ROBO1: variants seen among roughly 807,000 people sequenced by gnomAD.
ROBO1 encodes roundabout guidance receptor 1, also known as roundabout homolog 1.
In ROBO1, 149 loss-of-function variants were observed where a neutral mutation model predicts 195.9. The observed-to-expected ratio is 0.76, with a 90% CI of 0.67 to 0.87. The LOEUF (loss-of-function observed/expected upper bound fraction) is 0.87. Ranked by LOEUF, ROBO1 falls within the 40% of genes least tolerant of loss-of-function variation. The pLI, the probability that ROBO1 is intolerant of heterozygous loss-of-function variation, is 0.00. For missense variants in ROBO1, 1,933 were observed against 2,068.3 expected, an observed-to-expected ratio of 0.93 and a Z score of 1.27; for synonymous variants, 816 against 733.2, an observed-to-expected ratio of 1.11 and a Z score of -1.82.
At chr3:79,114,419 G>C (rs2079951778) in intron 3 of ROBO1, among the ~76,000 whole-genome samples, 1 of 152,158 alleles carries the variant, frequency 6.6e-6, no homozygotes, top group Non-Finnish European at 1.5e-5. Flanking sequence ...TGCAGATATA[G>C]TAGCATATAT....
intron 24 of ROBO1, among the ~76,000 whole-genome samples, chr3:78,631,962 C>A (rs1425803320): frequency 6.6e-6 from 1 of 152,072 alleles, no homozygotes; most frequent in Non-Finnish European, 1.5e-5. Flanking sequence ...TGACATAGCC[C>A]AATCATTCAA....
intron 2 of ROBO1, among the ~76,000 whole-genome samples, chr3:79,240,713 C>T (rs1051545841): frequency 9.9e-5 from 15 of 152,098 alleles, no homozygotes; most frequent in African/African-American, 3.4e-4. Flanking sequence ...GTGGCCTGAT[C>T]AGGGCTCACT....
intron 8 of ROBO1, among the ~76,000 whole-genome samples, chr3:78,695,625 CAA>C (rs1172592248): frequency 3.3e-4 from 18 of 54,500 alleles, no homozygotes; most frequent in Non-Finnish European, 4.4e-4. Flanking sequence ...ACTCTTGTCT[CAA>C]AAAAAAAAAA....
chr3:78,647,558 A>G, intron 20 of ROBO1, 71 bp downstream of exon 20: 2 of 1,429,504 alleles, frequency 1.4e-6, no homozygotes, highest in Non-Finnish European at 2.0e-6. Flanking sequence ...ATGAAATAAA[A>G]ACAGAAACAC....
chr3:78,978,775 G>A (rs2076934176), intron 3 of ROBO1, among the ~76,000 whole-genome samples: 1 of 152,110 alleles, frequency 6.6e-6, no homozygotes, highest in South Asian at 2.1e-4. Flanking sequence ...TCTCAATAAT[G>A]AAAATCTGAC....
At chr3:79,038,278 G>C (rs889414283) in intron 3 of ROBO1, among the ~76,000 whole-genome samples, 2 of 152,196 alleles carry the variant, frequency 1.3e-5, no homozygotes, top group African/African-American at 4.8e-5. Flanking sequence ...AATTGAAGGA[G>C]CCTTTGAACT....
Position 78,897,889 on chromosome 3 carries a change from G to A in ROBO1, c.499+40712C>T, listed in dbSNP as rs538173328. ...GTTCAGATTTTGCATTTGGATTTAC[G>A]AAATGCTTGTTAATCTACAACTTGC... On this transcript the variant is annotated intron_variant, in intron 4 of 30. Transcript: ENST00000464233. 1.7e-3 allele frequency among the ~76,000 whole-genome samples: 255 copies of A among 151,896 alleles called. 1 individual carries two copies. Among genetic ancestry groups the A allele is most frequent in the Non-Finnish European group, 2.5e-3 (168 of 67,928 alleles).
chr3:79,716,162 TGATTA>T (rs1393651471), intron 1 of ROBO1, among the ~76,000 whole-genome samples: 9 of 152,148 alleles, frequency 5.9e-5, no homozygotes, highest in African/African-American at 2.2e-4. Flanking sequence ...AATTTAATCA[TGATTA>T]GATTATTATT....
chr3:79,079,517 G>A (rs1357129748), intron 3 of ROBO1, among the ~76,000 whole-genome samples: 1 of 151,812 alleles, frequency 6.6e-6, no homozygotes, highest in African/African-American at 2.4e-5. Flanking sequence ...AATTGAACAA[G>A]TACTGGTTCT....
chr3:79,172,053 G>T (rs1202295672), intron 2 of ROBO1, among the ~76,000 whole-genome samples: 3 of 152,028 alleles, frequency 2.0e-5, no homozygotes, highest in Non-Finnish European at 4.4e-5. Context: ...TAAAAATCAA[G>T]CCAAAAGGGA....
chr3:79,427,197 T>C (rs2038480332), intron 2 of ROBO1, among the ~76,000 whole-genome samples: 1 of 152,132 alleles, frequency 6.6e-6, no homozygotes, highest in African/African-American at 2.4e-5. Flanking sequence ...CGAATAGGGA[T>C]TGTGTAAAAG....
chr3:78,672,185 C>T (rs535410915), intron 10 of ROBO1, among the ~76,000 whole-genome samples: 4 of 152,168 alleles, frequency 2.6e-5, no homozygotes, highest in South Asian at 2.1e-4. Flanking sequence ...GAGTGCTTGG[C>T]TAATTGCAAA....
In ROBO1 at chr3:78,905,815, T is replaced by C. The variant is rs542930156; in HGVS notation, c.499+32786A>G. 7.4e-4 allele frequency among the ~76,000 whole-genome samples: 112 copies of C among 152,292 alleles called. 1 individual carries two copies. The highest frequency in any genetic ancestry group is 2.4e-3 in the African/African-American group (101 of 41,572). On this transcript the variant is annotated intron_variant, in intron 4 of 30. Transcript: ENST00000464233. ...TTTAAAGGAAGTACGATTACTCATT[T>C]TTTGATGAAGAGATGAAGCCTCAGT...
At chr3:79,269,928 G>T (rs187486630) in intron 2 of ROBO1, among the ~76,000 whole-genome samples, 1 of 151,872 alleles carries the variant, frequency 6.6e-6, no homozygotes, top group Non-Finnish European at 1.5e-5. Flanking sequence ...TGTTTTAAAT[G>T]ATACTGAAAT....
intron 2 of ROBO1, among the ~76,000 whole-genome samples, chr3:79,588,088 TTAAC>T (rs1312262000): frequency 2.0e-5 from 3 of 151,710 alleles, no homozygotes; most frequent in Non-Finnish European, 4.4e-5. Flanking sequence ...GGTGAATTTT[TTAAC>T]TAACTGATAA....
At chr3:79,195,645 A>G (rs1038625047) in intron 2 of ROBO1, among the ~76,000 whole-genome samples, 3 of 151,732 alleles carry the variant, frequency 2.0e-5, no homozygotes, top group Admixed American at 2.0e-4. Context: ...TTGTATTGAT[A>G]ACAAAATATA....
intron 23 of ROBO1, 39 bp downstream of exon 23, chr3:78,635,734 C>T (rs1705453735): frequency 6.4e-7 from 1 of 1,553,600 alleles, no homozygotes; most frequent in South Asian, 1.1e-5. Context: ...CTGAGAGTAT[C>T]ATACAGAAAC....
At chr3:78,950,995 T>C (rs2040746788) in intron 3 of ROBO1, among the ~76,000 whole-genome samples, 1 of 151,700 alleles carries the variant, frequency 6.6e-6, no homozygotes, top group South Asian at 2.1e-4. Context: ...TTTCTGCCAA[T>C]ATACTTGAGG....
At chr3:79,631,476 A>C (rs571123517) in intron 1 of ROBO1, among the ~76,000 whole-genome samples, 1 of 152,018 alleles carries the variant, frequency 6.6e-6, no homozygotes, top group Non-Finnish European at 1.5e-5. Flanking sequence ...ACCATATAGA[A>C]AAAATAACTT....
Sources: gnomAD v4.1 joint callset for allele counts (sites outside exome capture counted in the v4.1 genomes callset) on GRCh38, gnomAD v4.1.1 for gene constraint, MANE v1.5 for transcripts, NCBI Gene and HGNC (gene_info 2026-07-23, HGNC 2026-07-21) for gene names.